MCU: variants seen among roughly 807,000 people sequenced by gnomAD.
MCU encodes mitochondrial calcium uniporter.
MCU carries 12 observed loss-of-function variants against 45.2 expected under a neutral mutation model. That is an observed-to-expected ratio of 0.27 (90% CI 0.17 to 0.43). The LOEUF is 0.43. MCU is among the 20% of genes least tolerant of loss of function. The pLI is 1.00. For missense variants in MCU, 324 were observed against 436.7 expected (o/e 0.74, Z 2.30); for synonymous variants, 160 against 165.1 (o/e 0.97, Z 0.24).
At chr10:72,869,745 A>G (rs955213360) in intron 5 of MCU, among the ~76,000 whole-genome samples, 1 of 152,226 alleles carries the variant, frequency 6.6e-6, no homozygotes, top group African/African-American at 2.4e-5. Context: ...CATAGGTTAT[A>G]TGCAGATACT....
chr10:72,782,485 C>G (rs558387977), intron 1 of MCU, among the ~76,000 whole-genome samples: 1 of 152,292 alleles, frequency 6.6e-6, no homozygotes, highest in Admixed American at 6.5e-5. Flanking sequence ...ATTCTCATGC[C>G]TCCAGCCTCC....
At chr10:72,878,225 C>T (rs1275336573) in intron 6 of MCU, among the ~76,000 whole-genome samples, 1 of 150,518 alleles carries the variant, frequency 6.6e-6, no homozygotes, top group African/African-American at 2.5e-5. Flanking sequence ...CTCAAGCAGC[C>T]CTCCCTCTTA....
At chr10:72,862,951 A>G (rs1322350144) in intron 4 of MCU, among the ~76,000 whole-genome samples, 1 of 152,120 alleles carries the variant, frequency 6.6e-6, no homozygotes, top group African/African-American at 2.4e-5. Flanking sequence ...GGTCTAACAT[A>G]GAAAAGTTCT....
intron 1 of MCU, among the ~76,000 whole-genome samples, chr10:72,749,226 A>T (rs988735794): frequency 1.3e-5 from 2 of 152,162 alleles, no homozygotes; most frequent in African/African-American, 4.8e-5. Flanking sequence ...ACAAGGCTAC[A>T]GTGAGCCGTA....
chr10:72,829,690 C>A (rs1478891746), intron 1 of MCU, among the ~76,000 whole-genome samples: 1 of 150,560 alleles, frequency 6.6e-6, no homozygotes, highest in Non-Finnish European at 1.5e-5. Flanking sequence ...GTTAAAAATA[C>A]AAAATTTAAA....
At chr10:72,850,161 G>A (rs1302657036) in intron 2 of MCU, among the ~76,000 whole-genome samples, 8 of 151,878 alleles carry the variant, frequency 5.3e-5, no homozygotes, top group South Asian at 2.1e-4. Context: ...GTGAGCCACC[G>A]CGCCTGGCCC....
intron 1 of MCU, among the ~76,000 whole-genome samples, chr10:72,811,356 T>C (rs1164646886): frequency 6.6e-6 from 1 of 152,248 alleles, no homozygotes; most frequent in East Asian, 1.9e-4. Flanking sequence ...GTGTGTTTTT[T>C]GTTGAAGTGA....
intron 1 of MCU, among the ~76,000 whole-genome samples, chr10:72,731,665 A>G (rs1385206549): frequency 6.6e-6 from 1 of 151,924 alleles, no homozygotes; most frequent in Non-Finnish European, 1.5e-5. Context: ...TCTTATTTCT[A>G]TAGATTTTCC....
At chr10:72,869,090 C>T (rs1305326560) in intron 5 of MCU, among the ~76,000 whole-genome samples, 1 of 152,168 alleles carries the variant, frequency 6.6e-6, no homozygotes, top group Non-Finnish European at 1.5e-5. Context: ...GTTCTAAATG[C>T]ACTGCCCTTA....
intron 1 of MCU, chr10:72,766,950 C>CT (rs1482865138): frequency 6.6e-6 from 1 of 152,092 alleles, no homozygotes; most frequent in East Asian, 1.9e-4. Context: ...TTAAAATCAA[C>CT]TTTAACGAAT....
chr10:72,841,863 G>C (rs1238443750), intron 2 of MCU, among the ~76,000 whole-genome samples: 1 of 152,166 alleles, frequency 6.6e-6, no homozygotes, highest in Non-Finnish European at 1.5e-5. Flanking sequence ...ATCTTCCTTT[G>C]CTTGATTAAA....
chr10:72,864,520 ATTT>A (rs1266598736), intron 4 of MCU, among the ~76,000 whole-genome samples: 2 of 152,062 alleles, frequency 1.3e-5, no homozygotes, highest in Non-Finnish European at 2.9e-5. Context: ...CTATAAATTT[ATTT>A]TCCCTTCTTT....
chr10:72,828,789 A>T (rs1369183748), intron 1 of MCU, among the ~76,000 whole-genome samples: 1 of 152,216 alleles, frequency 6.6e-6, no homozygotes, highest in East Asian at 1.9e-4. Flanking sequence ...TTGGAGAAAT[A>T]AAGTTACAGT....
intron 2 of MCU, among the ~76,000 whole-genome samples, chr10:72,840,004 G>T (rs1845024638): frequency 6.8e-6 from 1 of 147,520 alleles, no homozygotes; most frequent in African/African-American, 2.5e-5. Flanking sequence ...GCTGGCATTT[G>T]CCTGTAAGTC....
At chr10:72,765,971 ATCT>A (rs1843720982) in intron 1 of MCU, among the ~76,000 whole-genome samples, 2 of 152,094 alleles carry the variant, frequency 1.3e-5, no homozygotes, top group South Asian at 4.1e-4. Context: ...GGCTCCACTG[ATCT>A]TCTTGACTCA....
At chr10:72,733,435 C>T (rs974846698) in intron 1 of MCU, among the ~76,000 whole-genome samples, 3 of 152,002 alleles carry the variant, frequency 2.0e-5, no homozygotes, top group African/African-American at 4.8e-5. Flanking sequence ...TCAGCCTGGG[C>T]GACAGGGTGA....
chr10:72,863,361 G>A (rs2132874311), intron 4 of MCU, among the ~76,000 whole-genome samples: 1 of 152,310 alleles, frequency 6.6e-6, no homozygotes, highest in African/African-American at 2.4e-5. Context: ...TGAATTAAAT[G>A]TGTTCGCTGG....
chr10:72,834,802 G>A (rs1043767209), intron 2 of MCU, among the ~76,000 whole-genome samples: 2 of 152,092 alleles, frequency 1.3e-5, no homozygotes, highest in African/African-American at 4.8e-5. Flanking sequence ...GCTGGGACCA[G>A]GCGAGCACCA....
chr10:72,881,120 A>T (rs1845694818), intron 6 of MCU, among the ~76,000 whole-genome samples: 1 of 152,204 alleles, frequency 6.6e-6, no homozygotes, highest in South Asian at 2.1e-4. Context: ...GCAGAGTGAG[A>T]CTCAAAAATA....
Sources: allele counts gnomAD v4.1 joint callset (sites outside exome capture counted in the v4.1 genomes callset), GRCh38; gene constraint gnomAD v4.1.1; transcripts MANE v1.5; gene names NCBI Gene and HGNC (gene_info 2026-07-23, HGNC 2026-07-21).